FSTL4: variants seen among roughly 807,000 people sequenced by gnomAD.
FSTL4 encodes the protein follistatin like 4.
In FSTL4, 28 loss-of-function variants were observed where a neutral mutation model predicts 78.2. That is an observed-to-expected ratio of 0.36 (90% confidence interval 0.27 to 0.49). The LOEUF (loss-of-function observed/expected upper bound fraction) is 0.49, where lower values mean the gene tolerates loss of function less well. Among genes scored for constraint, FSTL4 ranks in the 20% least tolerant of loss-of-function variants. The pLI is 0.98. For synonymous variants in FSTL4, 422 were observed against 440.5 expected, an observed-to-expected ratio of 0.96 and a Z score of 0.53; for missense variants, 922 against 1,084.9, an observed-to-expected ratio of 0.85 and a Z score of 2.11.
chr5:133,666,936 G>T, the FSTL4 span, among the ~76,000 whole-genome samples: 1 of 152,204 alleles, frequency 6.6e-6, no homozygotes, highest in East Asian at 1.9e-4. Context: ...TAGTCTCCTG[G>T]CTATAAACAC....
intron 3 of FSTL4, among the ~76,000 whole-genome samples, chr5:133,453,086 T>C (rs968413689): frequency 1.3e-5 from 2 of 152,194 alleles, no homozygotes; most frequent in African/African-American, 4.8e-5. Context: ...AATGAACAGA[T>C]GAGTGACTCC....
chr5:133,335,432 C>T (rs1754442585), intron 4 of FSTL4, among the ~76,000 whole-genome samples: 1 of 152,030 alleles, frequency 6.6e-6, no homozygotes, highest in African/African-American at 2.4e-5. Context: ...AAAGAGACGT[C>T]AAGGGTCTCC....
the FSTL4 span, among the ~76,000 whole-genome samples, chr5:133,770,098 G>A: frequency 6.6e-6 from 1 of 152,044 alleles, no homozygotes; most frequent in South Asian, 2.1e-4. Context: ...GTGTGTGGGT[G>A]TGTGTGTGTA....
At position 133,462,610 on chromosome 5, in the gene FSTL4, G is replaced by A. The variant is rs546018409; in HGVS notation, c.161-61624C>T. Among the ~76,000 whole-genome samples, 7 of 152,294 alleles carry A rather than the reference G, an allele frequency of 4.6e-5. 1 individual carries two copies. Among genetic ancestry groups the A allele is most frequent in the East Asian group, 1.9e-4 (1 of 5,186 alleles). On this transcript the variant is annotated intron_variant, in intron 3 of 15. Transcript: ENST00000265342. ...ACAACGATTGGTTCGGGAAGGAGCC[G>A]GTAGACTACCCTGGCCAGTGAAATG...
At chr5:133,528,037 T>C (rs376362034) in intron 3 of FSTL4, among the ~76,000 whole-genome samples, 9 of 152,212 alleles carry the variant, frequency 5.9e-5, no homozygotes, top group African/African-American at 1.9e-4. Context: ...CACCACAGAA[T>C]AACCTTGATA....
chr5:133,771,093 T>C, the FSTL4 span, among the ~76,000 whole-genome samples: 2 of 152,252 alleles, frequency 1.3e-5, no homozygotes, highest in East Asian at 3.9e-4. Context: ...TGTCTGTTTT[T>C]ATAGCAGTGC....
intron 1 of FSTL4, among the ~76,000 whole-genome samples, chr5:133,606,099 T>C (rs1760971084): frequency 6.6e-6 from 1 of 152,114 alleles, no homozygotes; most frequent in East Asian, 1.9e-4. Context: ...AGAATAAAAA[T>C]GTCTTCCCCT....
At chr5:133,526,978 C>A (rs1000738101) in intron 3 of FSTL4, among the ~76,000 whole-genome samples, 1 of 152,080 alleles carries the variant, frequency 6.6e-6, no homozygotes, top group Non-Finnish European at 1.5e-5. Context: ...CAGCAAGCTG[C>A]CAGTTGTGTA....
chr5:133,570,438 T>G (rs1760130879), intron 2 of FSTL4, among the ~76,000 whole-genome samples: 1 of 152,244 alleles, frequency 6.6e-6, no homozygotes, highest in African/African-American at 2.4e-5. Flanking sequence ...TTCTCCTGCC[T>G]TAGCCTCCCA....
At chr5:133,358,477 AG>A (rs35704048) in intron 4 of FSTL4, among the ~76,000 whole-genome samples, 2 of 149,990 alleles carry the variant, frequency 1.3e-5, no homozygotes, top group African/African-American at 2.5e-5. Context: ...AGGGAGGGCG[AG>A]GGGGCCTGGG....
Position 133,611,565 on chromosome 5 carries a change from A to G in FSTL4, c.-11+760T>C, listed in dbSNP as rs1322933619. Among the ~76,000 whole-genome samples the G allele has an allele frequency of 1.3e-5, 2 of 152,178 alleles. No homozygotes were observed. The highest frequency in any genetic ancestry group is 2.9e-5 in the Non-Finnish European group (2 of 68,026). On this transcript the variant is annotated intron_variant, in intron 1 of 15. Transcript: ENST00000265342. The surrounding 1 kb of genome is among the most constrained non-coding windows in gnomAD (Gnocchi z 4.9). ...CACAGTGCAAGCTCTCTTAGGACCA[A>G]GCCCCCAGCCCGAACGCTGAACGCC...
the FSTL4 span, among the ~76,000 whole-genome samples, chr5:133,653,019 T>A: frequency 6.6e-6 from 1 of 152,134 alleles, no homozygotes; most frequent in Non-Finnish European, 1.5e-5. Context: ...TATATAGAAG[T>A]GCTCATTCCT....
chr5:133,372,464 C>T (rs755778655), intron 4 of FSTL4, among the ~76,000 whole-genome samples: 3 of 152,110 alleles, frequency 2.0e-5, no homozygotes, highest in Admixed American at 1.3e-4. Context: ...TGGCCCAAGG[C>T]TCCTAGTCGC....
chr5:133,724,975 C>T, the FSTL4 span, among the ~76,000 whole-genome samples: 1 of 152,162 alleles, frequency 6.6e-6, no homozygotes, highest in Non-Finnish European at 1.5e-5. Context: ...AAAGACTAAC[C>T]TTTCTCCATC....
At chr5:133,628,142 A>T in the FSTL4 span, among the ~76,000 whole-genome samples, 2 of 152,220 alleles carry the variant, frequency 1.3e-5, no homozygotes, top group Admixed American at 1.3e-4. Flanking sequence ...ATAGCACTAA[A>T]TGCCCACAGG....
intron 14 of FSTL4, among the ~76,000 whole-genome samples, chr5:133,205,091 C>T (rs1750452722): frequency 6.6e-6 from 1 of 152,088 alleles, no homozygotes; most frequent in Admixed American, 6.5e-5. Context: ...CAGTGTTTTG[C>T]CATTTAGGCA....
intron 4 of FSTL4, among the ~76,000 whole-genome samples, chr5:133,320,094 G>A (rs1414930773): frequency 2.0e-5 from 3 of 152,086 alleles, no homozygotes; most frequent in Admixed American, 6.5e-5. Context: ...CCCTGCCTTT[G>A]TCATCCGAAT....
chr5:133,749,937 T>A, the FSTL4 span, among the ~76,000 whole-genome samples: 2 of 152,226 alleles, frequency 1.3e-5, no homozygotes, highest in Non-Finnish European at 2.9e-5. Flanking sequence ...AAAATTTTTT[T>A]AATCCACTTC....
At chr5:133,310,801 C>T (rs1335241928) in intron 6 of FSTL4, among the ~76,000 whole-genome samples, 1 of 152,164 alleles carries the variant, frequency 6.6e-6, no homozygotes, top group African/African-American at 2.4e-5. Context: ...GGAACTATCC[C>T]CAGAGAACAT....
Sources: allele counts gnomAD v4.1 joint callset (sites outside exome capture counted in the v4.1 genomes callset), GRCh38; gene constraint gnomAD v4.1.1; non-coding constraint Gnocchi (gnomAD v3.1); transcripts MANE v1.5; gene names NCBI Gene and HGNC (gene_info 2026-07-23, HGNC 2026-07-21).